ZNF256: variants seen among roughly 807,000 people sequenced by gnomAD.
ZNF256 encodes the protein bone marrow zinc finger 3.
ZNF256 carries 4 observed loss-of-function variants against 7.9 expected under a neutral mutation model. The ratio of observed to expected loss-of-function variants is 0.50; its 90% CI spans 0.25 to 1.15. ZNF256 has a LOEUF of 1.15. Among genes scored for constraint, ZNF256 ranks in the 50% most tolerant of loss-of-function variants. The probability of loss-of-function intolerance (pLI) is 0.15; values close to 1 mark genes in which losing one functional copy is unlikely to be tolerated. For missense variants in ZNF256, 666 were observed against 755.9 expected, an observed-to-expected ratio of 0.88 and a Z score of 1.39; for synonymous variants, 260 against 260.4, an observed-to-expected ratio of 1.00 and a Z score of 0.02.
In ZNF256 at chr19:57,940,854, T is replaced by G; in HGVS notation, c.*70A>C. On this transcript the variant is annotated 3_prime_UTR_variant, in exon 3 of 3. Transcript: ENST00000282308. ...ATGGTTATTGAAAATACGTATTTATTTATTTATGTCTGTGAATTTTGCAGG... is the reference window on the plus strand; with the variant it reads ...ATGGTTATTGAAAATACGTATTTATGTATTTATGTCTGTGAATTTTGCAGG... The G allele has an allele frequency of 6.9e-7, 1 of 1,439,432 alleles. No homozygotes were observed. Among genetic ancestry groups the G allele is most frequent in the Non-Finnish European group, 9.4e-7 (1 of 1,063,392 alleles). 89.2% of individuals were successfully genotyped at this position (1,439,432 alleles called of 1,614,324 possible).
chr19:57,944,196 C>T (rs2072750559), intron 1 of ZNF256, 136 bp from the exon 2 acceptor site: 1 of 1,315,866 alleles, frequency 7.6e-7, no homozygotes. Flanking sequence ...AGAAAGCAGT[C>T]AGCTGGTGCT....
Position 57,941,395 on chromosome 19 carries a change from G to C in ZNF256, c.1413C>G (p.Ser471=). Residue 471 remains serine, a synonymous_variant, in exon 3 of 3, where the codon TCC becomes TCG. Coordinates refer to ENST00000282308, the MANE Select transcript of ZNF256 (RefSeq NM_005773.3). ...RPYECSECGK[S]FTCKSYLISH... The stretch of plus-strand genomic sequence containing the variant: ...AGATGAGGTAGGATTTACAGGTAAA[G>C]GATTTTCCACATTCACTGCACTCAT... The C allele has an allele frequency of 6.2e-7, 1 of 1,614,076 alleles. No homozygotes were observed. Among genetic ancestry groups the C allele is most frequent in the African/African-American group, 1.3e-5 (1 of 75,010 alleles).
At chr19:57,947,059 G>A (rs2072771111) in intron 1 of ZNF256, among the ~76,000 whole-genome samples, 1 of 152,230 alleles carries the variant, frequency 6.6e-6, no homozygotes, top group Non-Finnish European at 1.5e-5. Flanking sequence ...GTGAGAGACT[G>A]GGAAACCCTC....
Position 57,945,062 on chromosome 19 carries a change from A to G in ZNF256, c.34-1002T>C, listed in dbSNP as rs1255138357. Among the ~76,000 whole-genome samples, 9 of 152,016 alleles carry G rather than the reference A, an allele frequency of 5.9e-5. No homozygotes were observed. In the South Asian group the frequency reaches 1.9e-3, roughly 32 times the overall value. On this transcript the variant is annotated intron_variant, in intron 1 of 2. Coordinates refer to ENST00000282308, the MANE Select transcript of ZNF256 (RefSeq NM_005773.3). Reference sequence around the variant, plus strand: ...AGGCACCCGCCATCACGCCTGGCTAATTTTTTATATTTTTAGTAGAGAAGG... The same window carrying G: ...AGGCACCCGCCATCACGCCTGGCTAGTTTTTTATATTTTTAGTAGAGAAGG...
At position 57,941,970 on chromosome 19, in the gene ZNF256, A is replaced by G. The variant is rs1172180054; in HGVS notation, c.838T>C (p.Ser280Pro). Residue 280 changes from serine (S) to proline (P), a missense_variant, in exon 3 of 3, where the codon TCT (serine) becomes CCT (proline). By Grantham distance (74) the Ser-to-Pro change is moderately conservative (BLOSUM62 -1). Transcript: ENST00000282308. ...ATTCTTCGGTGCGTAATAAGGCTAG[A>G]GCTTTGCCTATAGGATTTCCCACAT... ...GECGKSYRQS[S>P]SLITHRRIHT... 4 of 1,614,042 alleles carry G rather than the reference A, an allele frequency of 2.5e-6. No individual in the cohort carries two copies. The highest frequency in any genetic ancestry group is 3.4e-6 in the Non-Finnish European group (4 of 1,180,004).
rs1421676133 is a variant in ZNF256, at chr19:57,941,263, T to C, written c.1545A>G (p.Gly515=). 6.2e-7 allele frequency: 1 copy of C among 1,614,172 alleles called. No homozygotes were observed. The highest frequency in any genetic ancestry group is 8.5e-7 in the Non-Finnish European group (1 of 1,180,022). ...ATTCATTGCACTCATAAGGCCTTTC[T>C]CCAGTGTGAACTCTCTGGTGTTGAA... ...TLLQHQRVHT[G]ERPYECNECG... is the part of the protein sequence containing the mutation. Residue 515 remains glycine (G), a synonymous_variant, in exon 3 of 3, where the codon GGA becomes GGG. Coordinates refer to ENST00000282308, the MANE Select transcript of ZNF256 (RefSeq NM_005773.3).
rs1600197281 is a variant in ZNF256 at position 57,944,056 on chromosome 19, A to G, written c.38T>C (p.Ile13Thr). 2 of 1,613,784 alleles carry G rather than the reference A, an allele frequency of 1.2e-6. No homozygotes were observed. ...AACAGCCACGTCCTCAAAGGTCACA[A>G]TGCCCTGCCAGGATGGGGACACATG... ...AAELTAPAQG[I>T]VTFEDVAVYF... Residue 13 changes from isoleucine (I) to threonine (T), a missense_variant, in exon 2 of 3, where the codon ATT becomes ACT. By Grantham distance (89) the Ile-to-Thr change is moderately conservative. Transcript: ENST00000282308.
At chr19:57,943,314 G>T (rs1176452567) in intron 2 of ZNF256, among the ~76,000 whole-genome samples, 1 of 152,164 alleles carries the variant, frequency 6.6e-6, no homozygotes, top group Non-Finnish European at 1.5e-5. Flanking sequence ...TCCTTTAGGT[G>T]TTAGTCCCTA....
Position 57,940,874 on chromosome 19 carries a change from TG to T in ZNF256, c.*49del. The T allele has an allele frequency of 6.6e-7, 1 of 1,515,522 alleles. No homozygotes were observed. Among genetic ancestry groups the T allele is most frequent in the Non-Finnish European group, 8.9e-7 (1 of 1,122,306 alleles). 93.9% of individuals were successfully genotyped at this position (1,515,522 alleles called of 1,614,324 possible). A position where few individuals can be genotyped will look rare whatever the true frequency, so the allele number is the denominator to read the frequency against. ...TTTATTTATTTATGTCTGTGAATTT[TG>T]CAGGGACACTTCTCAGTCCGTAACA... On this transcript the variant is annotated 3_prime_UTR_variant, in exon 3 of 3. Transcript: ENST00000282308.
chr19:57,941,857 A>G lies in ZNF256; in HGVS notation c.951T>C (p.His317=), dbSNP rs1293302396. The G allele has an allele frequency of 6.2e-7, 1 of 1,613,920 alleles. No individual in the cohort carries two copies. Among genetic ancestry groups the G allele is most frequent in the African/African-American group, 1.3e-5 (1 of 74,852 alleles). ...TGCACTTGTAAGGCCTTTCTCCAGTATGAACTCTCTGATGTATAAGAAGGT... is the reference window on the plus strand; with the variant it reads ...TGCACTTGTAAGGCCTTTCTCCAGTGTGAACTCTCTGATGTATAAGAAGGT... ...KYDLLIHQRV[H]TGERPYKCSE... is the part of the protein sequence containing the mutation. The change falls in exon 3 of 3, where the codon CAT becomes CAC. Residue 317 remains histidine, a synonymous_variant. Coordinates refer to ENST00000282308, the MANE Select transcript of ZNF256 (RefSeq NM_005773.3).
rs1270060618 is a variant in ZNF256, at chr19:57,942,390, G to A, written c.418C>T (p.His140Tyr). ...TAYLHQHQKQ[H>Y]VGQKHFRSNG... Reference sequence around the variant, plus strand: ...CTTCTGAAGTGTTTCTGTCCAACATGCTGCTTCTGGTGCTGATGAAGGTAT... The same window carrying A: ...CTTCTGAAGTGTTTCTGTCCAACATACTGCTTCTGGTGCTGATGAAGGTAT... Residue 140 changes from histidine to tyrosine, a missense_variant, in exon 3 of 3, where the codon CAT (histidine) becomes TAT (tyrosine). His to Tyr is a moderately conservative substitution (Grantham distance 83, BLOSUM62 2). Transcript: ENST00000282308. 6.2e-7 allele frequency: 1 copy of A among 1,614,070 alleles called. No homozygotes were observed. The highest frequency in any genetic ancestry group is 1.3e-5 in the African/African-American group (1 of 74,918).
At position 57,940,972 on chromosome 19, in the gene ZNF256, A is replaced by G. The variant is rs929811021; in HGVS notation, c.1836T>C (p.Phe612=). 1 of 1,614,174 alleles carries G rather than the reference A, an allele frequency of 6.2e-7. No homozygotes were observed. The highest frequency in any genetic ancestry group is 1.3e-5 in the African/African-American group (1 of 75,054). Residue 612 remains phenylalanine, a synonymous_variant, in exon 3 of 3, where the codon TTT becomes TTC. Coordinates refer to ENST00000282308, the MANE Select transcript of ZNF256 (RefSeq NM_005773.3). ...PYECSDCGKF[F]TFNSNLLKHQ... ...GTTTTAGGAGGTTGGAGTTGAAGGT[A>G]AAAAATTTTCCACAGTCACTACACT...
intron 2 of ZNF256, among the ~76,000 whole-genome samples, chr19:57,943,716 G>C (rs1326705710): frequency 6.6e-6 from 1 of 152,190 alleles, no homozygotes; most frequent in African/African-American, 2.4e-5. Flanking sequence ...CCGACTATAA[G>C]AAGCCTAACT....
chr19:57,941,398 T>A lies in ZNF256; in HGVS notation c.1410A>T (p.Lys470Asn). ...ERPYECSECG[K>N]SFTCKSYLIS... Reference sequence around the variant, plus strand: ...TGAGGTAGGATTTACAGGTAAAGGATTTTCCACATTCACTGCACTCATATG... The same window carrying A: ...TGAGGTAGGATTTACAGGTAAAGGAATTTCCACATTCACTGCACTCATATG... The change falls in exon 3 of 3, where the codon AAA becomes AAT. Residue 470 changes from lysine to asparagine, a missense_variant. By Grantham distance (94) the Lys-to-Asn change is moderately conservative. Transcript: ENST00000282308. 1 of 1,614,062 alleles carries A rather than the reference T, an allele frequency of 6.2e-7. No individual in the cohort carries two copies. Among genetic ancestry groups the A allele is most frequent in the South Asian group, 1.1e-5 (1 of 91,076 alleles).
chr19:57,945,466 A>C (rs1003277086), intron 1 of ZNF256, among the ~76,000 whole-genome samples: 1 of 152,166 alleles, frequency 6.6e-6, no homozygotes, highest in African/African-American at 2.4e-5. Flanking sequence ...ATGGATAAGA[A>C]GGGTTCATTT....
Position 57,941,173 on chromosome 19 carries a change from C to A in ZNF256, c.1635G>T (p.Arg545Ser). ...TCCAACACTCACTGCACTCATAAGG[C>A]CTTTCTCCGGTGTGACTTCTCCTAT... ...IRHRRSHTGERPYECSECWKS... is the reference protein window; with the variant it reads ...IRHRRSHTGESPYECSECWKS... Residue 545 changes from arginine (R) to serine (S), a missense_variant, in exon 3 of 3, where the codon AGG becomes AGT. Physicochemically the swap from Arg to Ser is moderately radical, Grantham distance 110. Coordinates refer to ENST00000282308, the MANE Select transcript of ZNF256 (RefSeq NM_005773.3). The A allele has an allele frequency of 6.2e-7, 1 of 1,614,186 alleles. No homozygotes were observed. The highest frequency in any genetic ancestry group is 8.5e-7 in the Non-Finnish European group (1 of 1,180,036).
intron 1 of ZNF256, among the ~76,000 whole-genome samples, chr19:57,944,653 T>C (rs1769975133): frequency 6.6e-6 from 1 of 152,058 alleles, no homozygotes; most frequent in South Asian, 2.1e-4. Context: ...TGAAACCCCA[T>C]CTCTACTAAA....
At position 57,947,608 on chromosome 19, in the gene ZNF256, T is replaced by C; in HGVS notation, c.-134A>G. On this transcript the variant is annotated 5_prime_UTR_variant, in exon 1 of 3. Transcript: ENST00000282308. ...ACTCCTCTCGCGCCTTCTCAGTCAG[T>C]CACGGATGATGCTGACCCAGCGCTC... 4 of 862,090 alleles carry C rather than the reference T, an allele frequency of 4.6e-6. No homozygotes were observed. Among genetic ancestry groups the C allele is most frequent in the Non-Finnish European group, 4.7e-6 (3 of 635,778 alleles). The allele number at this position is 862,090 out of a possible 1,614,324, so 53.4% of individuals were successfully genotyped here. A position where few individuals can be genotyped will look rare whatever the true frequency, so the allele number is the denominator to read the frequency against.
intron 1 of ZNF256, among the ~76,000 whole-genome samples, chr19:57,945,630 A>G (rs910893081): frequency 3.3e-5 from 5 of 152,206 alleles, no homozygotes; most frequent in African/African-American, 1.2e-4. Context: ...CAGCATCCAG[A>G]GTGTGGATAT....
Sources: allele counts gnomAD v4.1 joint callset (sites outside exome capture counted in the v4.1 genomes callset), GRCh38; gene constraint gnomAD v4.1.1; transcripts MANE v1.5; gene names NCBI Gene and HGNC (gene_info 2026-07-23, HGNC 2026-07-21).